Variants in GPSM2 observed in about 807,000 individuals in gnomAD.
GPSM2 encodes G protein signaling modulator 2, also known as G protein-signaling modulator 2.
Under a neutral mutation model 78.4 loss-of-function variants are expected in GPSM2, and 58 were observed. The ratio of observed to expected loss-of-function variants is 0.74; its 90% CI spans 0.60 to 0.92. GPSM2 has a LOEUF of 0.92. GPSM2 is among the 40% of genes least tolerant of loss of function. GPSM2 has a pLI of 0.00. For missense variants in GPSM2, 700 were observed against 815.5 expected (o/e 0.86, Z 1.73); for synonymous variants, 224 against 280.2 (o/e 0.80, Z 2.00).
chr1:108,887,752 G>A (rs2101343398), intron 2 of GPSM2, among the ~76,000 whole-genome samples: 1 of 152,328 alleles, frequency 6.6e-6, no homozygotes, highest in East Asian at 1.9e-4. Context: ...GTCTGTGAGA[G>A]CATGCAGCCT....
chr1:108,900,106 GAC>G (rs1453537075), intron 7 of GPSM2, among the ~76,000 whole-genome samples: 1 of 151,946 alleles, frequency 6.6e-6, no homozygotes, highest in Non-Finnish European at 1.5e-5. Context: ...GTGGCTATTT[GAC>G]TAAAGAAGCA....
chr1:108,916,792 TAAA>T (rs1650267220), intron 11 of GPSM2, among the ~76,000 whole-genome samples: 1 of 152,208 alleles, frequency 6.6e-6, no homozygotes, highest in South Asian at 2.1e-4. Flanking sequence ...TTCCTCATAA[TAAA>T]GCTGTCAAAG....
In GPSM2 at chr1:108,931,454, G is replaced by A; in HGVS notation, c.*1514G>A. ...CACGCTTGGAACAAGTTGCCAACTT[G>A]TTTCACTCTGCTTGCTTCAGACTGT... On this transcript the variant is annotated 3_prime_UTR_variant, in exon 15 of 15. Transcript: ENST00000264126. 1 of 1,550,848 alleles carries A rather than the reference G, an allele frequency of 6.4e-7. No individual in the cohort carries two copies.
chr1:108,926,463 T>C (rs1018588319), intron 14 of GPSM2: 14 of 152,136 alleles, frequency 9.2e-5, no homozygotes, highest in African/African-American at 3.4e-4. Flanking sequence ...CTGACCAATA[T>C]CCTTCATGAA....
chr1:108,900,222 CTCT>C lies in GPSM2; in HGVS notation c.797+1233_797+1235del, dbSNP rs1424606294. On this transcript the variant is annotated intron_variant, in intron 7 of 14. Transcript: ENST00000264126. ...TCGTTGGTTAGAAATATTTTTAGAA[CTCT>C]TCTTTAGATTTTTTTTTTTTTTTTT... 1.2e-4 allele frequency among the ~76,000 whole-genome samples: 18 copies of C among 150,524 alleles called. No homozygotes were observed. The East Asian group carries it at 2.5e-3, about 21-fold the overall frequency.
chr1:108,888,029 G>A (rs11590355), intron 2 of GPSM2, among the ~76,000 whole-genome samples: 5,247 of 152,140 alleles, frequency 0.034, 102 homozygotes, highest in Middle Eastern at 0.075. Context: ...CATTTAATAA[G>A]GTGATTAGGG....
In GPSM2 at chr1:108,898,748, GT is replaced by G; in HGVS notation, c.666del (p.Ile223Ter). On this transcript the variant is annotated frameshift_variant, in exon 6 of 15. Transcript: ENST00000264126. LOFTEE classifies it high-confidence loss of function. Reference protein sequence around the residue: ...HYLLGNFRDAVIAHEQRLLIA... With the variant: ...HYLLGNFRDAXIAHEQRLLIA... ...CCTCCTTGGCAACTTCAGGGATGCA[GT>G]TATAGCTCATGAGCAGGTACAGTGG... The G allele has an allele frequency of 6.2e-7, 1 of 1,614,072 alleles. No homozygotes were observed. The highest frequency in any genetic ancestry group is 8.5e-7 in the Non-Finnish European group (1 of 1,179,948).
intron 4 of GPSM2, 53 bp downstream of exon 4, chr1:108,897,680 G>C: frequency 6.8e-7 from 1 of 1,465,428 alleles, no homozygotes; most frequent in Non-Finnish European, 9.5e-7. Context: ...AAAGGGCTTT[G>C]CATTTTAATA....
chr1:108,906,041 G>C (rs1649192437), intron 10 of GPSM2, among the ~76,000 whole-genome samples: 1 of 152,066 alleles, frequency 6.6e-6, no homozygotes, highest in Admixed American at 6.6e-5. Context: ...TCATGAGTTT[G>C]AGACTCATTT....
At chr1:108,915,655 G>C (rs1483595238) in intron 11 of GPSM2, among the ~76,000 whole-genome samples, 1 of 151,704 alleles carries the variant, frequency 6.6e-6, no homozygotes, top group Non-Finnish European at 1.5e-5. Flanking sequence ...TCGATCTCCT[G>C]ACCTCGTGTT....
rs542369576 is a variant in GPSM2, at chr1:108,913,006, A to AAGT, written c.1193-1332_1193-1331insAGT. Reference sequence around the variant, plus strand: ...ATCTCATCAGCAAACATCACAGTGGAGTACTGGTAGAAACTTATGAGGTAA... The same window carrying AAGT: ...ATCTCATCAGCAAACATCACAGTGGAAGTGTACTGGTAGAAACTTATGAGGTAA... On this transcript the variant is annotated intron_variant, in intron 10 of 14. Transcript: ENST00000264126. Among the ~76,000 whole-genome samples, 602 of 152,296 alleles carry AAGT rather than the reference A, an allele frequency of 4.0e-3. 8 individuals carry two copies. Among genetic ancestry groups the AAGT allele is most frequent in the African/African-American group, 0.014 (566 of 41,554 alleles).
chr1:108,914,547 G>A, intron 11 of GPSM2, 139 bp downstream of exon 11: 1 of 664,818 alleles, frequency 1.5e-6, no homozygotes. Flanking sequence ...AAAAAAGTCA[G>A]AAAAAGTATA....
At chr1:108,887,117 G>A (rs1570880390) in intron 2 of GPSM2, among the ~76,000 whole-genome samples, 1 of 152,036 alleles carries the variant, frequency 6.6e-6, no homozygotes, top group East Asian at 1.9e-4. Flanking sequence ...TGAGCTCCTG[G>A]CCTCAAGTGA....
chr1:108,923,858 T>G (rs1316419025), intron 13 of GPSM2, 142 bp from the exon 14 acceptor site: 2 of 682,666 alleles, frequency 2.9e-6, no homozygotes, highest in Non-Finnish European at 5.3e-6. Flanking sequence ...CCCATCAGTG[T>G]CAGCGCTATA....
chr1:108,927,131 T>C (rs990200454), intron 14 of GPSM2, among the ~76,000 whole-genome samples: 2 of 152,166 alleles, frequency 1.3e-5, no homozygotes, highest in African/African-American at 4.8e-5. Context: ...CCACAAAACA[T>C]TGCTGAAAGA....
chr1:108,881,688 T>C (rs1665910294), intron 1 of GPSM2, among the ~76,000 whole-genome samples: 1 of 152,230 alleles, frequency 6.6e-6, no homozygotes, highest in South Asian at 2.1e-4. Flanking sequence ...TTGAGAATAG[T>C]AAGACTATAT....
chr1:108,917,294 G>A (rs1292930166), intron 11 of GPSM2, among the ~76,000 whole-genome samples: 1 of 151,974 alleles, frequency 6.6e-6, no homozygotes, highest in African/African-American at 2.4e-5. Flanking sequence ...AAGGCCGGGC[G>A]CAGTGGCTCA....
intron 1 of GPSM2, among the ~76,000 whole-genome samples, chr1:108,882,900 C>G (rs1237652584): frequency 6.6e-6 from 1 of 152,004 alleles, no homozygotes; most frequent in Non-Finnish European, 1.5e-5. Flanking sequence ...CCTTTTTGTT[C>G]TTTCTTAAAA....
Position 108,928,793 on chromosome 1 carries a change from A to G in GPSM2, c.1816-908A>G, listed in dbSNP as rs901131853. On this transcript the variant is annotated intron_variant, in intron 14 of 14. Transcript: ENST00000264126. ...CACTTGAGGTCAAGAGTTCGAGACC[A>G]GCCTGGCCAACATGGTGAAACCCCC... 8.5e-5 allele frequency among the ~76,000 whole-genome samples: 13 copies of G among 152,272 alleles called. No homozygotes were observed. The East Asian group carries it at 2.5e-3, about 29-fold the overall frequency.
Sources: allele counts gnomAD v4.1 joint callset (sites outside exome capture counted in the v4.1 genomes callset), GRCh38; gene constraint gnomAD v4.1.1; transcripts MANE v1.5; gene names NCBI Gene and HGNC (gene_info 2026-07-23, HGNC 2026-07-21).